The following RORA variants were observed in gnomAD, a reference collection of about 807,000 sequenced individuals.
RORA encodes the protein RAR related orphan receptor A.
In RORA, 7 loss-of-function variants were observed where a neutral mutation model predicts 69.5. The observed-to-expected ratio is 0.10, with a 90% confidence interval of 0.06 to 0.19. The LOEUF (loss-of-function observed/expected upper bound fraction) is 0.19, where lower values mean the gene tolerates loss of function less well. Ranked by LOEUF, RORA falls within the 10% of genes least tolerant of loss-of-function variation. The pLI is 1.00. For synonymous variants in RORA, 261 were observed against 240.8 expected (o/e 1.08, Z -0.78); for missense variants, 457 against 663.0 (o/e 0.69, Z 3.41).
At chr15:60,569,262 A>T (rs916973224) in intron 2 of RORA, among the ~76,000 whole-genome samples, 21 of 71,818 alleles carry the variant, frequency 2.9e-4, no homozygotes, top group East Asian at 7.5e-4. Flanking sequence ...TTAAAAAATT[A>T]AAAAAAAAAA....
At chr15:60,900,183 C>A (rs1353317712) in intron 1 of RORA, among the ~76,000 whole-genome samples, 6 of 152,204 alleles carry the variant, frequency 3.9e-5, no homozygotes, top group African/African-American at 1.4e-4. Context: ...TGGGAAAGGT[C>A]ATTTATTGTC....
At chr15:60,780,925 C>T (rs2072243939) in intron 1 of RORA, among the ~76,000 whole-genome samples, 1 of 152,216 alleles carries the variant, frequency 6.6e-6, no homozygotes, top group Admixed American at 6.5e-5. Context: ...GTCATGCAAT[C>T]TTCCAAGTGC....
At chr15:60,678,959 C>T (rs776344603) in intron 1 of RORA, among the ~76,000 whole-genome samples, 12 of 152,020 alleles carry the variant, frequency 7.9e-5, no homozygotes, top group African/African-American at 1.9e-4. Flanking sequence ...AAACAGGACG[C>T]GAGGAGACTC....
chr15:60,763,942 C>T (rs2071940271), intron 1 of RORA: 1 of 152,112 alleles, frequency 6.6e-6, no homozygotes, highest in Admixed American at 6.6e-5. Context: ...TGGTGTCTCT[C>T]ATTACAGTTA....
At chr15:60,701,979 A>C (rs2070988352) in intron 1 of RORA, among the ~76,000 whole-genome samples, 1 of 152,196 alleles carries the variant, frequency 6.6e-6, no homozygotes, top group Admixed American at 6.5e-5. Context: ...ATCAACTAAC[A>C]TGCAGGAAAT....
intron 1 of RORA, among the ~76,000 whole-genome samples, chr15:61,209,917 C>A (rs939266737): frequency 6.6e-6 from 1 of 152,188 alleles, no homozygotes; most frequent in Non-Finnish European, 1.5e-5. Flanking sequence ...AATGCTTTTG[C>A]CTTGGCATAA....
At chr15:61,053,743 G>T (rs1284397667) in intron 1 of RORA, among the ~76,000 whole-genome samples, 2 of 149,862 alleles carry the variant, frequency 1.3e-5, no homozygotes, top group Non-Finnish European at 3.0e-5. Context: ...ACAGCTGATG[G>T]GTATTTTTGT....
intron 2 of RORA, among the ~76,000 whole-genome samples, chr15:60,675,568 A>G (rs1567151260): frequency 6.6e-6 from 1 of 152,126 alleles, no homozygotes; most frequent in South Asian, 2.1e-4. Context: ...CAGAAAACAA[A>G]CACTTAAGGT....
intron 1 of RORA, among the ~76,000 whole-genome samples, chr15:60,911,277 G>A (rs1057392617): frequency 4.0e-5 from 6 of 151,798 alleles, no homozygotes; most frequent in Admixed American, 3.3e-4. Context: ...CCTCTGTGAC[G>A]GAAGCTCCTA....
chr15:60,613,696 CTG>C (rs66616801), intron 2 of RORA, among the ~76,000 whole-genome samples: 6,973 of 125,200 alleles, frequency 0.056, 223 homozygotes, highest in African/African-American at 0.097. Flanking sequence ...AATTTGATAT[CTG>C]TGTGTGTGTG....
intron 1 of RORA, among the ~76,000 whole-genome samples, chr15:60,862,030 A>AT (rs1339637074): frequency 5.9e-5 from 9 of 152,330 alleles, no homozygotes; most frequent in African/African-American, 1.9e-4. Flanking sequence ...TTCACTCTAG[A>AT]TTTTATCATG....
intron 1 of RORA, among the ~76,000 whole-genome samples, chr15:61,045,981 GCAAC>G (rs1386504033): frequency 1.3e-5 from 2 of 152,160 alleles, no homozygotes; most frequent in African/African-American, 4.8e-5. Flanking sequence ...AACCCCCACT[GCAAC>G]AACCTCAGAC....
intron 1 of RORA, among the ~76,000 whole-genome samples, chr15:60,723,466 A>G (rs2071318799): frequency 6.6e-6 from 1 of 151,366 alleles, no homozygotes; most frequent in Admixed American, 6.6e-5. Context: ...CTCAGGGCAC[A>G]TAAGGCGCAG....
At chr15:60,771,289 C>A (rs529286280) in intron 1 of RORA, among the ~76,000 whole-genome samples, 45 of 152,294 alleles carry the variant, frequency 3.0e-4, no homozygotes, top group Admixed American at 1.6e-3. Flanking sequence ...TCAGGGAAGC[C>A]TTCCCTGAAC....
intron 1 of RORA, among the ~76,000 whole-genome samples, chr15:60,823,625 A>G (rs889791738): frequency 6.6e-6 from 1 of 152,220 alleles, no homozygotes; most frequent in Non-Finnish European, 1.5e-5. Context: ...TTTGGAATTC[A>G]TTGCTGTAGC....
At chr15:61,078,401 G>T (rs973099423) in intron 1 of RORA, among the ~76,000 whole-genome samples, 1 of 150,834 alleles carries the variant, frequency 6.6e-6, no homozygotes, top group Non-Finnish European at 1.5e-5. Flanking sequence ...GTTTCACCAT[G>T]TTGGCCAGGC....
At chr15:61,043,009 C>G (rs1896857018) in intron 1 of RORA, among the ~76,000 whole-genome samples, 1 of 152,172 alleles carries the variant, frequency 6.6e-6, no homozygotes, top group Non-Finnish European at 1.5e-5. Context: ...CAGTCAGACA[C>G]AGACAGCAGG....
chr15:61,205,657 C>T (rs961295829), intron 1 of RORA, among the ~76,000 whole-genome samples: 1 of 152,158 alleles, frequency 6.6e-6, no homozygotes, highest in Non-Finnish European at 1.5e-5. Flanking sequence ...GGAGCTGGCA[C>T]AGGAACAGCC....
At chr15:60,858,068 G>C (rs2073399305) in intron 1 of RORA, among the ~76,000 whole-genome samples, 1 of 152,248 alleles carries the variant, frequency 6.6e-6, no homozygotes, top group African/African-American at 2.4e-5. Context: ...CCTTTCTGAA[G>C]TTTGTGTTGC....
Sources: gnomAD v4.1 joint callset for allele counts (sites outside exome capture counted in the v4.1 genomes callset) on GRCh38, gnomAD v4.1.1 for gene constraint, MANE v1.5 for transcripts, NCBI Gene and HGNC (gene_info 2026-07-23, HGNC 2026-07-21) for gene names.